The following NALF1 variants were observed in gnomAD, a reference collection of about 807,000 sequenced individuals.
The protein encoded by NALF1 is NALCN channel auxiliary factor 1.
NALF1 carries 3 observed loss-of-function variants against 48.4 expected under a neutral mutation model. That is an observed-to-expected ratio of 0.06 (90% confidence interval 0.03 to 0.16). The LOEUF (loss-of-function observed/expected upper bound fraction) is 0.16, where lower values mean the gene tolerates loss of function less well. Among genes scored for constraint, NALF1 ranks in the 10% least tolerant of loss-of-function variants. The probability of loss-of-function intolerance (pLI) is 1.00; values close to 1 mark genes in which losing one functional copy is unlikely to be tolerated. For synonymous variants in NALF1, 262 were observed against 245.7 expected (o/e 1.07, Z -0.62); for missense variants, 526 against 571.5 (o/e 0.92, Z 0.81).
intron 1 of NALF1, among the ~76,000 whole-genome samples, chr13:107,648,873 T>C (rs1386672019): frequency 6.6e-6 from 1 of 152,198 alleles, no homozygotes; most frequent in Non-Finnish European, 1.5e-5. Context: ...ATCTTAGGCA[T>C]ACTAATAGGT....
At position 107,741,826 on chromosome 13, in the gene NALF1, A is replaced by G. The variant is rs527902051; in HGVS notation, c.915+123856T>C. On this transcript the variant is annotated intron_variant, in intron 1 of 2. Coordinates refer to ENST00000375915, the MANE Select transcript of NALF1 (RefSeq NM_001080396.3). ...GCCAAAAGTAACCCAAGACCTGAAAATGGGTTATTCTCTAGTTTATCAATG... is the reference window on the plus strand; with the variant it reads ...GCCAAAAGTAACCCAAGACCTGAAAGTGGGTTATTCTCTAGTTTATCAATG... Among the ~76,000 whole-genome samples the G allele has an allele frequency of 3.9e-5, 6 of 152,284 alleles. No homozygotes were observed. In the South Asian group the frequency reaches 1.2e-3, roughly 32 times the overall value.
intron 1 of NALF1, among the ~76,000 whole-genome samples, chr13:107,607,917 C>A (rs1281020240): frequency 6.6e-6 from 1 of 152,142 alleles, no homozygotes; most frequent in African/African-American, 2.4e-5. Context: ...CCTAATCTTC[C>A]TCTACAGAAG....
chr13:107,392,470 C>T (rs1883643810), intron 1 of NALF1, among the ~76,000 whole-genome samples: 1 of 152,106 alleles, frequency 6.6e-6, no homozygotes, highest in South Asian at 2.1e-4. Context: ...GCAGAGATAG[C>T]CCTCTCACGC....
At chr13:107,449,437 G>A (rs1411309645) in intron 1 of NALF1, among the ~76,000 whole-genome samples, 1 of 151,792 alleles carries the variant, frequency 6.6e-6, no homozygotes. Flanking sequence ...AAAAGGAAGA[G>A]GTAAAATTGC....
chr13:107,292,135 T>C (rs1881633079), intron 1 of NALF1, among the ~76,000 whole-genome samples: 1 of 152,230 alleles, frequency 6.6e-6, no homozygotes, highest in Non-Finnish European at 1.5e-5. Context: ...TACAAACCTG[T>C]ACAGCATGCT....
chr13:107,444,327 T>TA (rs1374473064), intron 1 of NALF1, among the ~76,000 whole-genome samples: 28 of 152,324 alleles, frequency 1.8e-4, no homozygotes, highest in Middle Eastern at 6.8e-3. Flanking sequence ...GTAGCAGACT[T>TA]ACATTGATTG....
At chr13:107,755,111 G>T (rs757789828) in intron 1 of NALF1, among the ~76,000 whole-genome samples, 1 of 152,016 alleles carries the variant, frequency 6.6e-6, no homozygotes, top group African/African-American at 2.4e-5. Context: ...ACCTTTAAAA[G>T]TACAAAAACA....
intron 1 of NALF1, among the ~76,000 whole-genome samples, chr13:107,846,814 T>A (rs975685733): frequency 3.9e-5 from 6 of 152,186 alleles, no homozygotes; most frequent in Admixed American, 6.5e-5. Flanking sequence ...TTTAGCCTTA[T>A]GGGCAGCATT....
chr13:107,527,569 G>A lies in NALF1; in HGVS notation c.916-316814C>T, dbSNP rs566551373. ...CCTCAATTTAAAATGCTCTGGGCAC[G>A]TAAAGTCTGATATGGTTTGGCTGTG... On this transcript the variant is annotated intron_variant, in intron 1 of 2. Transcript: ENST00000375915. Among the ~76,000 whole-genome samples the A allele has an allele frequency of 5.3e-5, 8 of 152,152 alleles. No individual in the cohort carries two copies. The East Asian group carries it at 5.8e-4, about 11-fold the overall frequency.
At chr13:107,293,235 C>T (rs1053959300) in intron 1 of NALF1, among the ~76,000 whole-genome samples, 1 of 151,974 alleles carries the variant, frequency 6.6e-6, no homozygotes, top group East Asian at 1.9e-4. Context: ...CCACCTTGGC[C>T]TCCCGAAGTG....
chr13:107,356,593 T>C (rs917225071), intron 1 of NALF1, among the ~76,000 whole-genome samples: 1 of 151,226 alleles, frequency 6.6e-6, no homozygotes, highest in African/African-American at 2.4e-5. Flanking sequence ...TCATCCCCTA[T>C]CCCTCACTTA....
intron 1 of NALF1, among the ~76,000 whole-genome samples, chr13:107,710,783 ATATACACATATATG>A (rs1177867584): frequency 1.4e-5 from 2 of 141,094 alleles, no homozygotes; most frequent in African/African-American, 5.3e-5. Context: ...ATATGTGTGT[ATATACACATATATG>A]TATATATACA....
intron 1 of NALF1, among the ~76,000 whole-genome samples, chr13:107,842,866 C>T (rs559802155): frequency 1.3e-5 from 2 of 151,952 alleles, no homozygotes; most frequent in African/African-American, 4.8e-5. Context: ...AGACATCTGC[C>T]GGTGTGATAT....
intron 1 of NALF1, among the ~76,000 whole-genome samples, chr13:107,545,782 T>C (rs771706104): frequency 1.3e-5 from 2 of 152,044 alleles, no homozygotes; most frequent in Non-Finnish European, 2.9e-5. Flanking sequence ...TGGTATAGAC[T>C]GAAAAAGAAA....
chr13:107,621,889 T>C (rs1879526194), intron 1 of NALF1, among the ~76,000 whole-genome samples: 1 of 152,158 alleles, frequency 6.6e-6, no homozygotes, highest in Non-Finnish European at 1.5e-5. Context: ...ATCTCCCTCT[T>C]TGCTCCAAGG....
intron 2 of NALF1, among the ~76,000 whole-genome samples, chr13:107,180,634 TAC>T (rs1007391623): frequency 8.6e-5 from 13 of 151,972 alleles, no homozygotes; most frequent in Non-Finnish European, 1.6e-4. Context: ...TGCATATATA[TAC>T]ACACACACTA....
rs1406329689 is a variant in NALF1 at position 107,402,680 on chromosome 13, C to G, written c.916-191925G>C. ...CATTGAGAGATGCCACTGAAAAATACAGGCTTTGGAGTCAGAGAAGAAAAA... is the reference window on the plus strand; with the variant it reads ...CATTGAGAGATGCCACTGAAAAATAGAGGCTTTGGAGTCAGAGAAGAAAAA... On this transcript the variant is annotated intron_variant, in intron 1 of 2. Transcript: ENST00000375915. Among the ~76,000 whole-genome samples, 5 of 152,202 alleles carry G rather than the reference C, an allele frequency of 3.3e-5. No homozygotes were observed. The East Asian group carries it at 9.7e-4, about 29-fold the overall frequency.
chr13:107,568,696 T>G (rs1049618987), intron 1 of NALF1, among the ~76,000 whole-genome samples: 10 of 152,228 alleles, frequency 6.6e-5, no homozygotes, highest in African/African-American at 2.4e-4. Context: ...TCTCTACTGG[T>G]TAATGATGAA....
chr13:107,840,704 T>C (rs1414433978), intron 1 of NALF1, among the ~76,000 whole-genome samples: 3 of 152,122 alleles, frequency 2.0e-5, no homozygotes, highest in Non-Finnish European at 2.9e-5. Context: ...TGTCAGTCTC[T>C]CATACATGGA....
Sources: gnomAD v4.1 joint callset for allele counts (sites outside exome capture counted in the v4.1 genomes callset) on GRCh38, gnomAD v4.1.1 for gene constraint, MANE v1.5 for transcripts, NCBI Gene and HGNC (gene_info 2026-07-23, HGNC 2026-07-21) for gene names.